Variants in FRMD7 observed in about 807,000 individuals in gnomAD.
FRMD7 encodes the protein FERM domain containing 7, also known as FERM domain-containing protein 7.
FRMD7 carries 14 observed loss-of-function variants against 44.1 expected under a neutral mutation model. The observed-to-expected ratio is 0.32, with a 90% CI of 0.21 to 0.50. FRMD7 has a LOEUF of 0.50. Among genes scored for constraint, FRMD7 ranks in the 20% least tolerant of loss-of-function variants. FRMD7 has a pLI of 0.99. For synonymous variants in FRMD7, 212 were observed against 187.4 expected (o/e 1.13, Z -1.07); for missense variants, 501 against 522.3 (o/e 0.96, Z 0.40).
chrX:132,084,061 C>T lies in FRMD7; in HGVS notation c.741+429G>A, dbSNP rs763754319. On this transcript the variant is annotated intron_variant, in intron 8 of 11. Transcript: ENST00000298542. ...TTTTGCTTACGTGTATACCTGACTC[C>T]CACATCCTGCTTGTTTTTGGCATAT... Among the ~76,000 whole-genome samples the T allele has an allele frequency of 8.0e-5, 9 of 111,999 alleles. No homozygotes were observed. The South Asian group carries it at 3.3e-3, about 41-fold the overall frequency.
At chrX:132,097,511 T>A (rs1928376950) in intron 3 of FRMD7, among the ~76,000 whole-genome samples, 167 bp from the exon 4 acceptor site, 1 of 111,314 alleles carries the variant, frequency 9.0e-6, no homozygotes, top group Non-Finnish European at 1.9e-5. Context: ...ATCACATGTA[T>A]AAAGTGTCAC....
intron 4 of FRMD7, among the ~76,000 whole-genome samples, chrX:132,096,893 C>T (rs1250194805): frequency 9.0e-6 from 1 of 111,226 alleles, no homozygotes; most frequent in African/African-American, 3.3e-5. Context: ...ACATTCACAA[C>T]CCCCACATTT....
At chrX:132,124,995 C>T (rs1194538388) in intron 1 of FRMD7, among the ~76,000 whole-genome samples, 1 of 111,991 alleles carries the variant, frequency 8.9e-6, no homozygotes, top group Non-Finnish European at 1.9e-5. Context: ...ACCAAGCCAT[C>T]GAATATTAGG....
At chrX:132,098,938 G>A (rs940019344) in intron 3 of FRMD7, among the ~76,000 whole-genome samples, 1 of 111,970 alleles carries the variant, frequency 8.9e-6, no homozygotes, top group East Asian at 2.8e-4. Context: ...CAGGTTATTG[G>A]CAACTCAGGA....
chrX:132,094,398 G>A (rs1928269854), intron 4 of FRMD7: 1 of 358,751 alleles, frequency 2.8e-6, no homozygotes, highest in Admixed American at 4.4e-5. Context: ...GCCAAATTGA[G>A]AAAGTTGGCC....
At chrX:132,104,092 G>T (rs187061109) in intron 1 of FRMD7, among the ~76,000 whole-genome samples, 25 of 111,287 alleles carry the variant, frequency 2.2e-4, no homozygotes, top group Non-Finnish European at 2.3e-4. Context: ...TGTTGTGAGG[G>T]TTAAATAAAA....
chrX:132,100,134 G>A (rs1161697008), intron 2 of FRMD7, among the ~76,000 whole-genome samples: 2 of 111,608 alleles, frequency 1.8e-5, no homozygotes, highest in African/African-American at 6.5e-5. Flanking sequence ...GGCAAATTGA[G>A]GTGACTTGTT....
At chrX:132,121,085 C>T (rs768682717) in intron 1 of FRMD7, among the ~76,000 whole-genome samples, 17 of 111,789 alleles carry the variant, frequency 1.5e-4, no homozygotes, top group African/African-American at 4.9e-4. Flanking sequence ...CAACAAACAT[C>T]GATTGATCCC....
At position 132,078,474 on chromosome X, in the gene FRMD7, C is replaced by T; in HGVS notation, c.1543G>A (p.Glu515Lys). 3.3e-6 allele frequency: 4 copies of T among 1,211,124 alleles called. No individual in the cohort carries two copies. Among genetic ancestry groups the T allele is most frequent in the Non-Finnish European group, 3.4e-6 (3 of 895,138 alleles). Residue 515 changes from glutamate (E) to lysine (K), a missense_variant, in exon 12 of 12, where the codon GAA becomes AAA. Glu to Lys is a moderately conservative substitution (Grantham distance 56, BLOSUM62 1). Coordinates refer to ENST00000298542, the MANE Select transcript of FRMD7 (RefSeq NM_194277.3). ...ACATAGCTATGTGGACTTGTCCTTT[C>T]CTCTGCTCTAATTGGGGACCATCTG... Reference protein sequence around the residue: ...VPRWSPIRAEERTSPHSYVEP... With the variant: ...VPRWSPIRAEKRTSPHSYVEP...
intron 3 of FRMD7, 46 bp from the exon 4 acceptor site, chrX:132,097,390 A>G (rs1928369498): frequency 1.3e-6 from 1 of 745,511 alleles, no homozygotes. Flanking sequence ...TGTCCATCAC[A>G]ACAGTTATAG....
At chrX:132,088,441 C>T (rs1928064933) in intron 5 of FRMD7, among the ~76,000 whole-genome samples, 1 of 110,367 alleles carries the variant, frequency 9.1e-6, no homozygotes, top group Non-Finnish European at 1.9e-5. Context: ...GTCCCAGGTC[C>T]CAGCTACTTT....
chrX:132,107,809 C>T (rs1928685442), intron 1 of FRMD7, among the ~76,000 whole-genome samples: 1 of 111,692 alleles, frequency 9.0e-6, no homozygotes. Context: ...ATAGCAATGA[C>T]CCAGCTTGAT....
rs138571508 is a variant in FRMD7, at chrX:132,104,409, C to T, written c.58-3693G>A. The stretch of plus-strand genomic sequence containing the variant: ...TCCCTCTTTAAAACATTGGCAGATG[C>T]GGGCTGGGCGCTGTGGCTTATGCCT... On this transcript the variant is annotated intron_variant, in intron 1 of 11. Transcript: ENST00000298542. Among the ~76,000 whole-genome samples, 966 of 111,442 alleles carry T rather than the reference C, an allele frequency of 8.7e-3. 12 individuals are homozygous for T. Among genetic ancestry groups the T allele is most frequent in the Middle Eastern group, 0.014 (3 of 216 alleles).
Position 132,097,197 on chromosome X carries a change from GC to G in FRMD7, c.284+68del, listed in dbSNP as rs1048840799. On this transcript the variant is annotated intron_variant, in intron 4 of 11. Coordinates refer to ENST00000298542, the MANE Select transcript of FRMD7 (RefSeq NM_194277.3). ...TTTGTGAGAATGGCCAGAAGCACTTGCCCCCAATAAATGGAGAATAATGATT... is the reference window on the plus strand; with the variant it reads ...TTTGTGAGAATGGCCAGAAGCACTTGCCCCAATAAATGGAGAATAATGATT... 3.8e-6 allele frequency: 3 copies of G among 794,310 alleles called. No individual in the cohort carries two copies. In the African/African-American group the frequency reaches 6.1e-5, roughly 16 times the overall value. The allele number at this position is 794,310 out of a possible 1,213,427, so 65.5% of individuals were successfully genotyped here. A position where few individuals can be genotyped will look rare whatever the true frequency, so the allele number is the denominator to read the frequency against.
At position 132,107,604 on chromosome X, in the gene FRMD7, GGA is replaced by G. The variant is rs749047439; in HGVS notation, c.58-6890_58-6889del. On this transcript the variant is annotated intron_variant, in intron 1 of 11. Coordinates refer to ENST00000298542, the MANE Select transcript of FRMD7 (RefSeq NM_194277.3). ...CCTTTTCACTATATTTCTACATGGTGGAGAGAGAGAGAGAGAGAGAGAGAGAG... is the reference window on the plus strand; with the variant it reads ...CCTTTTCACTATATTTCTACATGGTGGAGAGAGAGAGAGAGAGAGAGAGAG... Among the ~76,000 whole-genome samples, 135 of 90,710 alleles carry G rather than the reference GGA, an allele frequency of 1.5e-3. 1 individual carries two copies. The highest frequency in any genetic ancestry group is 1.6e-3 in the Non-Finnish European group (73 of 45,899). The allele number at this position is 90,710 out of a possible 115,157, so 78.8% of individuals were successfully genotyped here.
intron 3 of FRMD7, 58 bp from the exon 4 acceptor site, chrX:132,097,402 T>TACACACACACAC: frequency 3.4e-6 from 2 of 584,029 alleles, no homozygotes; most frequent in Non-Finnish European, 6.0e-6. Flanking sequence ...CAGTTATAGG[T>TACACACACACAC]ACACACACAC....
At chrX:132,127,024 CTT>C (rs1277468580) in intron 1 of FRMD7, among the ~76,000 whole-genome samples, 4 of 112,593 alleles carry the variant, frequency 3.6e-5, no homozygotes, top group African/African-American at 1.3e-4. Context: ...CTATTTGTCT[CTT>C]GTTAGTGGCT....
At chrX:132,098,318 G>A (rs1427738292) in intron 3 of FRMD7, among the ~76,000 whole-genome samples, 2 of 112,512 alleles carry the variant, frequency 1.8e-5, no homozygotes, top group African/African-American at 6.5e-5. Flanking sequence ...AGCAGAGGTA[G>A]GAATACGAGG....
intron 5 of FRMD7, among the ~76,000 whole-genome samples, chrX:132,087,073 T>C (rs1229969653): frequency 8.9e-6 from 1 of 112,366 alleles, no homozygotes; most frequent in Admixed American, 9.5e-5. Context: ...TTTAGGACTA[T>C]GTGCCCTTAA....
Sources: gnomAD v4.1 joint callset for allele counts (sites outside exome capture counted in the v4.1 genomes callset) on GRCh38, gnomAD v4.1.1 for gene constraint, MANE v1.5 for transcripts, NCBI Gene and HGNC (gene_info 2026-07-23, HGNC 2026-07-21) for gene names.